Variants in DOCK4 observed in about 807,000 individuals in gnomAD.
DOCK4 encodes the protein dedicator of cytokinesis 4.
DOCK4 carries 97 observed loss-of-function variants against 268.1 expected under a neutral mutation model. The observed-to-expected ratio is 0.36, with a 90% CI of 0.31 to 0.43. The LOEUF (loss-of-function observed/expected upper bound fraction) is 0.43. Ranked by LOEUF, DOCK4 falls within the 20% of genes least tolerant of loss-of-function variation. The pLI is 1.00. For missense variants in DOCK4, 2,145 were observed against 2,455.7 expected, an observed-to-expected ratio of 0.87 and a Z score of 2.67; for synonymous variants, 954 against 887.2, an observed-to-expected ratio of 1.08 and a Z score of -1.34.
intron 1 of DOCK4, among the ~76,000 whole-genome samples, chr7:112,119,067 T>C (rs1312429648): frequency 1.1e-4 from 16 of 152,200 alleles, no homozygotes. Flanking sequence ...CCAATCATTG[T>C]TGGCAGTAAA....
At chr7:111,909,900 T>A (rs1275021597) in intron 13 of DOCK4, among the ~76,000 whole-genome samples, 1 of 151,498 alleles carries the variant, frequency 6.6e-6, no homozygotes, top group African/African-American at 2.4e-5. Context: ...AGGCTGAGAC[T>A]GTAGTGAGCC....
At chr7:112,151,463 C>T (rs1428661440) in intron 1 of DOCK4, among the ~76,000 whole-genome samples, 3 of 152,118 alleles carry the variant, frequency 2.0e-5, no homozygotes, top group Admixed American at 2.0e-4. Context: ...AGTTGTCACA[C>T]AGCTAGGGTA....
At position 112,206,297 on chromosome 7, in the gene DOCK4, C is replaced by T. The variant is rs1302264520; in HGVS notation, c.-159G>A. On this transcript the variant is annotated 5_prime_UTR_variant, in exon 1 of 53. Coordinates refer to ENST00000428084, the MANE Select transcript of DOCK4 (RefSeq NM_001363540.2). ...AGGATCTGCGCTGGAGGCTCCCGAGCCCAGCGTTGACACTGCGCCGCCCGC... is the reference window on the plus strand; with the variant it reads ...AGGATCTGCGCTGGAGGCTCCCGAGTCCAGCGTTGACACTGCGCCGCCCGC... 2 of 763,758 alleles carry T rather than the reference C, an allele frequency of 2.6e-6. No individual in the cohort carries two copies. Among genetic ancestry groups the T allele is most frequent in the South Asian group, 3.7e-5 (2 of 54,774 alleles). The allele number at this position is 763,758 out of a possible 1,614,324, so 47.3% of individuals were successfully genotyped here.
chr7:111,863,678 A>T (rs765526796), intron 22 of DOCK4, 114 bp from the exon 23 acceptor site: 32 of 1,116,672 alleles, frequency 2.9e-5, no homozygotes, highest in African/African-American at 1.3e-4. Flanking sequence ...TAGGAATAGA[A>T]GTATGAAATG....
intron 16 of DOCK4, among the ~76,000 whole-genome samples, chr7:111,890,613 A>G (rs969329825): frequency 6.6e-6 from 1 of 152,224 alleles, no homozygotes; most frequent in African/African-American, 2.4e-5. Flanking sequence ...CTTTTCCCTT[A>G]GGATTCCTTA....
intron 39 of DOCK4, among the ~76,000 whole-genome samples, chr7:111,762,757 G>GTTTTTTTTT (rs1797499588): frequency 5.5e-5 from 3 of 55,004 alleles, no homozygotes; most frequent in Non-Finnish European, 7.4e-5. Flanking sequence ...ATTTTGTTTT[G>GTTTTTTTTT]TTTTCTTTTT....
chr7:112,127,198 G>A (rs994831346), intron 1 of DOCK4, among the ~76,000 whole-genome samples: 1 of 151,610 alleles, frequency 6.6e-6, no homozygotes, highest in African/African-American at 2.4e-5. Context: ...AAGAAAATGT[G>A]GCACATATAC....
intron 23 of DOCK4, among the ~76,000 whole-genome samples, chr7:111,862,416 T>C (rs1288341483): frequency 6.6e-6 from 1 of 151,506 alleles, no homozygotes; most frequent in Admixed American, 6.6e-5. Context: ...TAAAAAATTG[T>C]TTACTATATA....
At chr7:112,154,580 AG>A (rs1816434134) in intron 1 of DOCK4, among the ~76,000 whole-genome samples, 1 of 152,228 alleles carries the variant, frequency 6.6e-6, no homozygotes, top group Non-Finnish European at 1.5e-5. Context: ...GCTGATACAT[AG>A]GGTACAGTCT....
intron 1 of DOCK4, among the ~76,000 whole-genome samples, chr7:112,108,787 T>C (rs567952166): frequency 2.6e-5 from 4 of 152,320 alleles, no homozygotes; most frequent in South Asian, 2.1e-4. Context: ...TCAGTGCCAA[T>C]GGAAACCCAA....
chr7:112,003,190 G>C (rs183355283), intron 2 of DOCK4, among the ~76,000 whole-genome samples: 2 of 152,042 alleles, frequency 1.3e-5, no homozygotes, highest in East Asian at 3.8e-4. Context: ...AGACGAGCAT[G>C]GGCAATATGG....
At chr7:111,741,304 A>C (rs1795901081) in intron 46 of DOCK4, 90 bp from the exon 47 acceptor site, 2 of 1,530,346 alleles carry the variant, frequency 1.3e-6, no homozygotes, top group South Asian at 2.5e-5. Flanking sequence ...AAGGGGGGAA[A>C]ATACATTCCG....
intron 1 of DOCK4, among the ~76,000 whole-genome samples, chr7:112,007,309 C>T (rs1800939809): frequency 6.6e-6 from 1 of 151,772 alleles, no homozygotes; most frequent in Admixed American, 6.6e-5. Flanking sequence ...GAATGGAGTA[C>T]AAATACATGG....
chr7:112,135,933 AC>A (rs1814302025), intron 1 of DOCK4, among the ~76,000 whole-genome samples: 1 of 152,200 alleles, frequency 6.6e-6, no homozygotes, highest in Admixed American at 6.5e-5. Flanking sequence ...ATTCCAGGCC[AC>A]CTGCCCCAAA....
chr7:111,941,265 A>G (rs1447103951), intron 10 of DOCK4, among the ~76,000 whole-genome samples: 1 of 152,190 alleles, frequency 6.6e-6, no homozygotes, highest in African/African-American at 2.4e-5. Flanking sequence ...GGTTGTCATG[A>G]CCTGATGCCA....
chr7:111,962,585 G>A (rs1190498549), intron 8 of DOCK4, among the ~76,000 whole-genome samples: 1 of 152,028 alleles, frequency 6.6e-6, no homozygotes, highest in African/African-American at 2.4e-5. Flanking sequence ...GTGTCTTGGG[G>A]GTGAAGAGAT....
chr7:111,999,985 G>T (rs935228896), intron 3 of DOCK4, among the ~76,000 whole-genome samples: 9 of 152,054 alleles, frequency 5.9e-5, no homozygotes, highest in Non-Finnish European at 1.2e-4. Context: ...CAAGGATAAT[G>T]AATCTTAATT....
At chr7:111,973,412 G>A (rs976839860) in intron 8 of DOCK4, among the ~76,000 whole-genome samples, 5 of 151,874 alleles carry the variant, frequency 3.3e-5, no homozygotes, top group Admixed American at 1.3e-4. Context: ...GATTTTAAAC[G>A]TTTGCAATTA....
chr7:111,804,070 C>T (rs1056298686), intron 30 of DOCK4, among the ~76,000 whole-genome samples: 2 of 152,110 alleles, frequency 1.3e-5, no homozygotes, highest in African/African-American at 4.8e-5. Context: ...CCATATGATC[C>T]AGCAATTCCA....
Sources: gnomAD v4.1 joint callset for allele counts (sites outside exome capture counted in the v4.1 genomes callset) on GRCh38, gnomAD v4.1.1 for gene constraint, MANE v1.5 for transcripts, NCBI Gene and HGNC (gene_info 2026-07-23, HGNC 2026-07-21) for gene names.